TPST1: variants seen among roughly 807,000 people sequenced by gnomAD.
TPST1 encodes the protein protein-tyrosine sulfotransferase 1.
Under a neutral mutation model 34.8 loss-of-function variants are expected in TPST1, and 20 were observed. The ratio of observed to expected loss-of-function variants is 0.57; its 90% confidence interval spans 0.40 to 0.84. The LOEUF is 0.84. Among genes scored for constraint, TPST1 ranks in the 40% least tolerant of loss-of-function variants. The pLI is 0.00. For synonymous variants in TPST1, 152 were observed against 159.4 expected (o/e 0.95, Z 0.35); for missense variants, 353 against 455.5 (o/e 0.78, Z 2.05).
At chr7:66,204,169 T>G (rs891854476), upstream of TPST1, among the ~76,000 whole-genome samples, 1 of 150,916 alleles carries the variant, frequency 6.6e-6, no homozygotes, top group Non-Finnish European at 1.5e-5. Flanking sequence ...AGAGTGAGAC[T>G]CTTCAAAAAA....
chr7:66,353,743 T>C (rs1350541330), intron 4 of TPST1, among the ~76,000 whole-genome samples: 1 of 152,202 alleles, frequency 6.6e-6, no homozygotes, highest in African/African-American at 2.4e-5. Context: ...GTGATTAGCT[T>C]GTCAATAGGA....
At chr7:66,284,314 T>A (rs1474591402) in intron 2 of TPST1, among the ~76,000 whole-genome samples, 1 of 152,044 alleles carries the variant, frequency 6.6e-6, no homozygotes, top group Non-Finnish European at 1.5e-5. Context: ...TCAATTCAGA[T>A]TTTTTCTCTA....
intron 3 of TPST1, among the ~76,000 whole-genome samples, chr7:66,328,861 T>G (rs866841649): frequency 1.7e-4 from 2 of 11,628 alleles, no homozygotes; most frequent in Admixed American, 1.7e-3. Flanking sequence ...TCTCTCCCGC[T>G]CTCTCTCTCT....
intron 2 of TPST1, among the ~76,000 whole-genome samples, chr7:66,268,060 C>G (rs567210836): frequency 2.6e-5 from 4 of 152,008 alleles, no homozygotes; most frequent in Non-Finnish European, 5.9e-5. Context: ...TGAAGTGATT[C>G]TCCTACCTCA....
chr7:66,258,645 G>A (rs982385715), intron 2 of TPST1, among the ~76,000 whole-genome samples: 1 of 152,266 alleles, frequency 6.6e-6, no homozygotes, highest in African/African-American at 2.4e-5. Flanking sequence ...CTAGTCAGAC[G>A]TTTGGATTTC....
chr7:66,315,285 G>A (rs1791610493), intron 3 of TPST1, among the ~76,000 whole-genome samples: 1 of 152,136 alleles, frequency 6.6e-6, no homozygotes, highest in African/African-American at 2.4e-5. Flanking sequence ...CAAAGGGAGG[G>A]CACATGGTTA....
intron 2 of TPST1, among the ~76,000 whole-genome samples, chr7:66,248,020 A>G (rs1227216564): frequency 6.6e-6 from 1 of 152,220 alleles, no homozygotes; most frequent in Non-Finnish European, 1.5e-5. Context: ...ATTTTTGAAA[A>G]ATAAGTAAAA....
At chr7:66,220,666 G>C (rs1262497394) in intron 1 of TPST1, among the ~76,000 whole-genome samples, 1 of 147,078 alleles carries the variant, frequency 6.8e-6, no homozygotes, top group African/African-American at 2.5e-5. Flanking sequence ...CTGGGTGAGT[G>C]TGTGGGGGTG....
At chr7:66,282,310 C>T (rs376462912) in intron 2 of TPST1, among the ~76,000 whole-genome samples, 22 of 152,230 alleles carry the variant, frequency 1.4e-4, no homozygotes, top group Admixed American at 5.2e-4. Flanking sequence ...CTGTAAAGGG[C>T]CAGATATTTT....
chr7:66,311,579 G>A lies in TPST1; in HGVS notation c.1044+24870G>A, dbSNP rs546279579. On this transcript the variant is annotated intron_variant, in intron 3 of 5. Transcript: ENST00000304842. ...TTCTGATGCATCACTTTAAGGCTTC[G>A]ATTATTAAACAAGCAATTACTAAAC... is the stretch of plus-strand genomic sequence containing the variant. Among the ~76,000 whole-genome samples the A allele has an allele frequency of 1.9e-4, 29 of 152,234 alleles. 1 individual carries two copies. In the South Asian group the frequency reaches 3.7e-3, roughly 20 times the overall value.
At chr7:66,223,937 C>T (rs1562802044) in intron 1 of TPST1, among the ~76,000 whole-genome samples, 1 of 152,174 alleles carries the variant, frequency 6.6e-6, no homozygotes, top group African/African-American at 2.4e-5. Context: ...ACTTGTGCTC[C>T]TGTCTCCATT....
rs547639044 is a variant in TPST1 at position 66,329,688 on chromosome 7, A to T, written c.1045-22817A>T. 1.1e-3 allele frequency among the ~76,000 whole-genome samples: 162 copies of T among 152,292 alleles called. 1 individual carries two copies. Among genetic ancestry groups the T allele is most frequent in the Non-Finnish European group, 2.0e-3 (135 of 68,016 alleles). On this transcript the variant is annotated intron_variant, in intron 3 of 5. Transcript: ENST00000304842. Reference sequence around the variant, plus strand: ...CTATTGCTTGCAAGTAGTAGACTGAATGATGGCTCCATAAAGATGTCCACT... The same window carrying T: ...CTATTGCTTGCAAGTAGTAGACTGATTGATGGCTCCATAAAGATGTCCACT...
intron 1 of TPST1, among the ~76,000 whole-genome samples, chr7:66,232,341 C>T (rs922021007): frequency 1.3e-5 from 2 of 151,172 alleles, no homozygotes; most frequent in African/African-American, 4.9e-5. Flanking sequence ...TAGCTGGGAC[C>T]ACAGGCACGT....
chr7:66,276,182 T>A (rs1790805417), intron 2 of TPST1, among the ~76,000 whole-genome samples: 1 of 151,560 alleles, frequency 6.6e-6, no homozygotes, highest in African/African-American at 2.4e-5. Context: ...TCTGTCAATA[T>A]ATAGATTAAA....
In TPST1 at chr7:66,226,718, G is replaced by A. The variant is rs73363486; in HGVS notation, c.-101-13607G>A. On this transcript the variant is annotated intron_variant, in intron 1 of 5. Coordinates refer to ENST00000304842, the MANE Select transcript of TPST1 (RefSeq NM_003596.4). ...TAAAATACAGCAAAAATTAAAACTT[G>A]AAGAGAATCACTCAAATTTGTGTCC... Among the ~76,000 whole-genome samples, 388 of 152,234 alleles carry A rather than the reference G, an allele frequency of 2.5e-3. 1 individual carries two copies. The highest frequency in any genetic ancestry group is 9.0e-3 in the African/African-American group (375 of 41,534).
chr7:66,210,940 G>T (rs1789228679), intron 1 of TPST1, among the ~76,000 whole-genome samples: 1 of 152,024 alleles, frequency 6.6e-6, no homozygotes, highest in Non-Finnish European at 1.5e-5. Flanking sequence ...TTGCTCTCCA[G>T]CCTGAGTGAC....
chr7:66,323,289 G>A (rs999809421), intron 3 of TPST1, among the ~76,000 whole-genome samples: 5 of 152,090 alleles, frequency 3.3e-5, no homozygotes, highest in African/African-American at 9.7e-5. Context: ...CAATCAACCC[G>A]TATCAGCCTT....
intron 3 of TPST1, among the ~76,000 whole-genome samples, chr7:66,336,621 G>C (rs755852965): frequency 2.5e-4 from 38 of 152,128 alleles, no homozygotes; most frequent in Non-Finnish European, 4.1e-4. Flanking sequence ...CCATCAAGCA[G>C]ACTAACCTCT....
intron 3 of TPST1, 113 bp downstream of exon 3, chr7:66,286,822 T>TTTTTTTTTTTG (rs1203648490): frequency 5.3e-5 from 34 of 646,122 alleles, no homozygotes; most frequent in African/African-American, 1.6e-4. Context: ...AATATATTTT[T>TTTTTTTTTTTG]TTTTTTTTTC....
Sources: allele counts gnomAD v4.1 joint callset (sites outside exome capture counted in the v4.1 genomes callset), GRCh38; gene constraint gnomAD v4.1.1; transcripts MANE v1.5; gene names NCBI Gene and HGNC (gene_info 2026-07-23, HGNC 2026-07-21).